The following NME6 variants were observed in gnomAD, a reference collection of about 807,000 sequenced individuals.
NME6 encodes the protein NME/NM23 nucleoside diphosphate kinase 6, also known as nucleoside diphosphate kinase 6, mitochondrial.
In NME6, 16 loss-of-function variants were observed where a neutral mutation model predicts 22.2. The ratio of observed to expected loss-of-function variants is 0.72; its 90% confidence interval spans 0.49 to 1.09. The LOEUF (loss-of-function observed/expected upper bound fraction) is 1.09. Ranked by LOEUF, NME6 falls within the 50% of genes least tolerant of loss-of-function variation. The probability of loss-of-function intolerance (pLI) is 0.00; values close to 1 mark genes in which losing one functional copy is unlikely to be tolerated. For synonymous variants in NME6, 58 were observed against 85.2 expected, an observed-to-expected ratio of 0.68 and a Z score of 1.76; for missense variants, 229 against 239.0, an observed-to-expected ratio of 0.96 and a Z score of 0.28.
At chr3:48,298,583 T>C (rs756095614) in intron 1 of NME6, 60 bp from the exon 2 acceptor site, 78 of 1,293,296 alleles carry the variant, frequency 6.0e-5, no homozygotes, top group Middle Eastern at 2.5e-4. Context: ...CTTCCCTACA[T>C]TGGAGCCACG....
chr3:48,294,821 A>C lies in NME6; in HGVS notation c.395-18T>G, dbSNP rs2034888681. The C allele has an allele frequency of 6.2e-7, 1 of 1,610,282 alleles. No individual in the cohort carries two copies. The highest frequency in any genetic ancestry group is 1.3e-5 in the African/African-American group (1 of 74,862). On this transcript the variant is annotated intron_variant, in intron 5 of 5. Transcript: ENST00000442597. ...CACAGAGTCTGTAAGGGGAGATAAGACAGAGAAGGGGTTCTCACATGGTAG... is the reference window on the plus strand; with the variant it reads ...CACAGAGTCTGTAAGGGGAGATAAGCCAGAGAAGGGGTTCTCACATGGTAG...
chr3:48,291,797 C>T (rs181864657), downstream of NME6: 188 of 152,786 alleles, frequency 1.2e-3, 1 homozygote, highest in South Asian at 0.035. Context: ...GACGGAGTCT[C>T]GCTCTTTCAC....
chr3:48,297,938 T>C (rs1359624399), intron 2 of NME6: 3 of 171,024 alleles, frequency 1.8e-5, no homozygotes, highest in Non-Finnish European at 2.5e-5. Context: ...AATGGCAGCC[T>C]CAGTCCTACC....
At chr3:48,296,622 A>G (rs2035132072) in intron 3 of NME6, 105 bp downstream of exon 3, 2 of 760,888 alleles carry the variant, frequency 2.6e-6, no homozygotes, top group South Asian at 3.4e-5. Flanking sequence ...CTGCAACTGT[A>G]CACGGTTGGT....
At chr3:48,290,261 ATTT>A (rs910886915), downstream of NME6, among the ~76,000 whole-genome samples, 3 of 150,930 alleles carry the variant, frequency 2.0e-5, no homozygotes, top group African/African-American at 4.9e-5. Flanking sequence ...TTAAAAAAAA[ATTT>A]TTTTTTACCT....
chr3:48,288,603 G>A (rs765280169), downstream of NME6: 1 of 152,080 alleles, frequency 6.6e-6, no homozygotes, highest in Non-Finnish European at 1.5e-5. Context: ...TCTGAAGGTA[G>A]TGAGTTATCT....
rs2034601795 is a variant in NME6 at position 48,292,520 on chromosome 3, A to C, written c.*2117T>G. 1 of 151,922 alleles carries C rather than the reference A, an allele frequency of 6.6e-6. No individual in the cohort carries two copies. The highest frequency in any genetic ancestry group is 1.5e-5 in the Non-Finnish European group (1 of 67,998). 9.4% of individuals were successfully genotyped at this position (151,922 alleles called of 1,614,324 possible). ...TTTTGTTGATACTTTGTGGGCTGAG[A>C]TGTTGACAGATTTTGTTCCAGACTA... On this transcript the variant is annotated 3_prime_UTR_variant, in exon 6 of 6. Coordinates refer to ENST00000442597, the MANE Select transcript of NME6 (RefSeq NM_001308426.2).
At chr3:48,291,036 T>G (rs2034416704), downstream of NME6, 1 of 294,028 alleles carries the variant, frequency 3.4e-6, no homozygotes, top group African/African-American at 2.3e-5. Context: ...TTAAGCCACT[T>G]GATACTTCGC....
intron 2 of NME6, among the ~76,000 whole-genome samples, chr3:48,297,041 T>C (rs1307594111): frequency 1.3e-5 from 2 of 152,096 alleles, no homozygotes; most frequent in Non-Finnish European, 2.9e-5. Flanking sequence ...TGCTCTTCCA[T>C]ACCTATAACC....
chr3:48,290,023 A>G (rs1559990441), downstream of NME6, among the ~76,000 whole-genome samples: 1 of 152,120 alleles, frequency 6.6e-6, no homozygotes, highest in Non-Finnish European at 1.5e-5. Flanking sequence ...TTTTTTCAAA[A>G]AGAAATGTAA....
At chr3:48,296,957 G>A in intron 2 of NME6, 128 bp from the exon 3 acceptor site, 1 of 668,648 alleles carries the variant, frequency 1.5e-6, no homozygotes, top group Non-Finnish European at 2.6e-6. Flanking sequence ...AGACGAGGTG[G>A]GGTGAGGTGA....
At chr3:48,296,656 T>C in intron 3 of NME6, 71 bp downstream of exon 3, 1 of 1,061,854 alleles carries the variant, frequency 9.4e-7, no homozygotes, top group Non-Finnish European at 1.4e-6. Flanking sequence ...TGCCATTGTG[T>C]TCCAGGTAAA....
intron 1 of NME6, 189 bp downstream of exon 1, chr3:48,301,159 GGGACC>G: frequency 9.1e-7 from 1 of 1,102,152 alleles, no homozygotes; most frequent in African/African-American, 1.6e-5. Context: ...ACGCGCGGCC[GGGACC>G]TGCGCCCCTA....
intron 3 of NME6, 76 bp downstream of exon 3, chr3:48,296,651 T>G: frequency 2.0e-6 from 2 of 1,011,140 alleles, no homozygotes; most frequent in Non-Finnish European, 3.0e-6. Flanking sequence ...GAGCCTGCCA[T>G]TGTGTTCCAG....
At position 48,292,669 on chromosome 3, in the gene NME6, GCCTCC is replaced by G. The variant is rs2034622614; in HGVS notation, c.*1963_*1967del. On this transcript the variant is annotated 3_prime_UTR_variant, in exon 6 of 6. Coordinates refer to ENST00000442597, the MANE Select transcript of NME6 (RefSeq NM_001308426.2). ...GGGTTCAAGCGATTCTCCTGCCTCA[GCCTCC>G]CGAGTAGCTGGATTACAGGCTCGCG... 6.6e-6 allele frequency: 1 copy of G among 152,258 alleles called. No homozygotes were observed. Among genetic ancestry groups the G allele is most frequent in the African/African-American group, 2.4e-5 (1 of 41,416 alleles). 9.4% of individuals were successfully genotyped at this position (152,258 alleles called of 1,614,324 possible).
chr3:48,295,428 G>C (rs757911902), intron 4 of NME6, 193 bp from the exon 5 acceptor site: 7 of 595,926 alleles, frequency 1.2e-5, no homozygotes, highest in South Asian at 2.6e-5. Flanking sequence ...AGATCAGCAG[G>C]GTGGCTATGC....
In NME6 at chr3:48,293,914, A is replaced by C. The variant is rs2034765155; in HGVS notation, c.*723T>G. 1 of 152,230 alleles carries C rather than the reference A, an allele frequency of 6.6e-6. No homozygotes were observed. Among genetic ancestry groups the C allele is most frequent in the African/African-American group, 2.4e-5 (1 of 41,460 alleles). The allele number at this position is 152,230 out of a possible 1,614,324, so 9.4% of individuals were successfully genotyped here. On this transcript the variant is annotated 3_prime_UTR_variant, in exon 6 of 6. Transcript: ENST00000442597. The stretch of plus-strand genomic sequence containing the variant: ...CAAGAGAAGAGAGTGTTTCTGGAGA[A>C]TGAAGCAATAACTGAATGCTGCTGA...
downstream of NME6, chr3:48,291,993 C>T (rs908661181): frequency 1.3e-5 from 2 of 152,266 alleles, no homozygotes; most frequent in African/African-American, 4.8e-5. Flanking sequence ...TCTCGATCTC[C>T]TGACCTTGTG....
rs753118587 is a variant in NME6, at chr3:48,295,308, A to C, written c.234-73T>G. The C allele has an allele frequency of 2.4e-4, 349 of 1,469,696 alleles. 1 individual carries two copies. The highest frequency in any genetic ancestry group is 3.0e-4 in the Non-Finnish European group (331 of 1,090,166). 91.0% of individuals were successfully genotyped at this position (1,469,696 alleles called of 1,614,324 possible). ...GAGGGTGTGCTGTGAGCAGGGCCTG[A>C]ATAAAAACACACTCTACGTTCTGAG... On this transcript the variant is annotated intron_variant, in intron 4 of 5. Transcript: ENST00000442597.
Sources: gnomAD v4.1 joint callset for allele counts (sites outside exome capture counted in the v4.1 genomes callset) on GRCh38, gnomAD v4.1.1 for gene constraint, MANE v1.5 for transcripts, NCBI Gene and HGNC (gene_info 2026-07-23, HGNC 2026-07-21) for gene names.